The following NXPE1 variants were observed in gnomAD, a reference collection of about 807,000 sequenced individuals.
The protein encoded by NXPE1 is NXPE family member 1.
In NXPE1, 31 loss-of-function variants were observed where a neutral mutation model predicts 33.3. The observed-to-expected ratio is 0.93, with a 90% CI of 0.70 to 1.26. The LOEUF (loss-of-function observed/expected upper bound fraction) is 1.26. Among genes scored for constraint, NXPE1 ranks in the 50% most tolerant of loss-of-function variants. NXPE1 has a pLI of 0.00. For missense variants in NXPE1, 661 were observed against 655.6 expected (o/e 1.01, Z -0.09); for synonymous variants, 229 against 231.4 (o/e 0.99, Z 0.09).
intron 1 of NXPE1, among the ~76,000 whole-genome samples, chr11:114,557,161 T>G (rs1294292098): frequency 6.6e-6 from 1 of 152,176 alleles, no homozygotes; most frequent in Non-Finnish European, 1.5e-5. Context: ...CCCAAAGTTC[T>G]GGGATTACAG....
chr11:114,558,239 C>T (rs1948704783), intron 1 of NXPE1, among the ~76,000 whole-genome samples: 1 of 151,876 alleles, frequency 6.6e-6, no homozygotes, highest in African/African-American at 2.4e-5. Flanking sequence ...TATATATGCA[C>T]ATTCTATATG....
At position 114,533,713 on chromosome 11, in the gene NXPE1, T is replaced by C. The variant is rs573358734; in HGVS notation, c.100-2805A>G. On this transcript the variant is annotated intron_variant, in intron 5 of 8. Coordinates refer to ENST00000534921, the Ensembl canonical transcript of NXPE1. ...CTAGCACAGCAATCTGAGATCAAAC[T>C]GCAAGGCGGCAGCAAGACTAGGGGA... is the stretch of plus-strand genomic sequence containing the variant. 1.5e-3 allele frequency among the ~76,000 whole-genome samples: 234 copies of C among 152,222 alleles called. 1 individual carries two copies. The highest frequency in any genetic ancestry group is 3.4e-3 in the Middle Eastern group (1 of 294).
Position 114,549,321 on chromosome 11 carries a change from T to C in NXPE1, c.99+1782A>G, listed in dbSNP as rs558357144. ...AAACCTAATATTGTACCAAGAACTT[T>C]AGATTTATGAATATTGAGATATACA... On this transcript the variant is annotated intron_variant, in intron 5 of 8. Coordinates refer to ENST00000534921, the Ensembl canonical transcript of NXPE1. Among the ~76,000 whole-genome samples, 7 of 152,194 alleles carry C rather than the reference T, an allele frequency of 4.6e-5. No individual in the cohort carries two copies. In the East Asian group the frequency reaches 1.2e-3, roughly 25 times the overall value.
chr11:114,556,282 T>C (rs1313249744), intron 1 of NXPE1, among the ~76,000 whole-genome samples: 3 of 152,222 alleles, frequency 2.0e-5, no homozygotes, highest in Admixed American at 6.5e-5. Flanking sequence ...TTACTGGAAC[T>C]CAAAACCTAC....
chr11:114,543,686 T>TA (rs1948179773), intron 5 of NXPE1, among the ~76,000 whole-genome samples: 2 of 152,066 alleles, frequency 1.3e-5, no homozygotes, highest in Non-Finnish European at 2.9e-5. Context: ...GTCAAGAATG[T>TA]CCTCTTTCAC....
chr11:114,555,376 G>A (rs1948624133), intron 1 of NXPE1, among the ~76,000 whole-genome samples: 1 of 152,006 alleles, frequency 6.6e-6, no homozygotes, highest in Non-Finnish European at 1.5e-5. Flanking sequence ...ACAGGTATGT[G>A]CCACCATGCC....
chr11:114,540,600 G>C (rs1948056801), intron 5 of NXPE1, among the ~76,000 whole-genome samples: 1 of 152,020 alleles, frequency 6.6e-6, no homozygotes. Context: ...AAAGAGTTCT[G>C]TTTCAATATG....
chr11:114,540,102 C>T (rs185102660), intron 5 of NXPE1, among the ~76,000 whole-genome samples: 2 of 152,190 alleles, frequency 1.3e-5, no homozygotes, highest in African/African-American at 4.8e-5. Flanking sequence ...ATTACAGACG[C>T]CTGCCATCAT....
intron 5 of NXPE1, among the ~76,000 whole-genome samples, chr11:114,550,891 A>G (rs570799318): frequency 3.0e-4 from 46 of 152,264 alleles, no homozygotes; most frequent in African/African-American, 9.9e-4. Context: ...GTCAAATCCT[A>G]ATTGGAATGG....
At chr11:114,552,250 G>A (rs1255167505) in intron 2 of NXPE1, among the ~76,000 whole-genome samples, 165 bp from the exon 3 acceptor site, 6 of 152,106 alleles carry the variant, frequency 3.9e-5, no homozygotes, top group Non-Finnish European at 7.4e-5. Context: ...TTACTGAAGC[G>A]TGGTGTGAGA....
chr11:114,526,046 G>A (rs1947359415), intron 7 of NXPE1, among the ~76,000 whole-genome samples: 1 of 152,182 alleles, frequency 6.6e-6, no homozygotes, highest in Non-Finnish European at 1.5e-5. Flanking sequence ...CCTCAAAAGT[G>A]GAAGAGGGAG....
intron 5 of NXPE1, among the ~76,000 whole-genome samples, chr11:114,531,893 C>G (rs75689973): frequency 6.6e-6 from 1 of 152,176 alleles, no homozygotes; most frequent in South Asian, 2.1e-4. Context: ...TCCAATCTTG[C>G]TGGTAGTCAG....
chr11:114,523,163 C>A, intron 7 of NXPE1, 72 bp from the exon 8 acceptor site: 1 of 1,089,842 alleles, frequency 9.2e-7, no homozygotes, highest in Non-Finnish European at 1.4e-6. Flanking sequence ...CCTGGTCTTT[C>A]ATTTTCTTGC....
chr11:114,546,687 T>C (rs1483205107), intron 5 of NXPE1, among the ~76,000 whole-genome samples: 1 of 152,046 alleles, frequency 6.6e-6, no homozygotes, highest in Non-Finnish European at 1.5e-5. Flanking sequence ...TAGATCTTTG[T>C]TTCCAATACC....
At chr11:114,554,487 A>T in intron 1 of NXPE1, 1 of 589,320 alleles carries the variant, frequency 1.7e-6, no homozygotes, top group Non-Finnish European at 2.1e-6. Context: ...ACATAAAATA[A>T]AATGTATAGA....
intron 7 of NXPE1, among the ~76,000 whole-genome samples, chr11:114,525,681 G>A (rs1947347242): frequency 6.6e-6 from 1 of 152,186 alleles, no homozygotes; most frequent in African/African-American, 2.4e-5. Context: ...CACCTGGCTT[G>A]AGTTGTAAAA....
downstream of NXPE1, among the ~76,000 whole-genome samples, chr11:114,519,382 C>T (rs1947155710): frequency 6.6e-6 from 1 of 152,124 alleles, no homozygotes; most frequent in African/African-American, 2.4e-5. Context: ...GGTAAAACCT[C>T]TCTCTAAAGA....
chr11:114,554,134 C>T, intron 1 of NXPE1: 1 of 985,426 alleles, frequency 1.0e-6, no homozygotes, highest in Non-Finnish European at 1.2e-6. Context: ...TGGTCATCCT[C>T]AGACAGGATT....
chr11:114,519,968 T>TCGCCTCCCGGGTTCACGCTCTTCTCC (rs1356498370), downstream of NXPE1, among the ~76,000 whole-genome samples: 2 of 117,324 alleles, frequency 1.7e-5, no homozygotes, highest in Middle Eastern at 4.1e-3. Flanking sequence ...CTCGGCGAGC[T>TCGCCTCCCGGGTTCACGCTCTTCTCC]TGCCCGCTAA....
Sources: allele counts gnomAD v4.1 joint callset (sites outside exome capture counted in the v4.1 genomes callset), GRCh38; gene constraint gnomAD v4.1.1; transcripts MANE v1.5; gene names NCBI Gene and HGNC (gene_info 2026-07-23, HGNC 2026-07-21).